The following ATF6 variants were observed in gnomAD, a reference collection of about 807,000 sequenced individuals.
ATF6 encodes cyclic AMP-dependent transcription factor ATF-6 alpha.
In ATF6, 53 loss-of-function variants were observed where a neutral mutation model predicts 83.6. The observed-to-expected ratio is 0.63, with a 90% CI of 0.51 to 0.80. ATF6 has a LOEUF of 0.80. Ranked by LOEUF, ATF6 falls within the 30% of genes least tolerant of loss-of-function variation. The pLI, the probability that ATF6 is intolerant of heterozygous loss-of-function variation, is 0.00. For synonymous variants in ATF6, 288 were observed against 285.8 expected (o/e 1.01, Z -0.08); for missense variants, 744 against 797.9 (o/e 0.93, Z 0.81).
intron 9 of ATF6, among the ~76,000 whole-genome samples, chr1:161,843,062 G>A (rs549677237): frequency 2.6e-4 from 40 of 152,298 alleles, no homozygotes; most frequent in Admixed American, 2.0e-3. Context: ...CTGGTAGCTC[G>A]GCGCACAAGT....
chr1:161,927,662 A>G (rs911753856), intron 15 of ATF6, among the ~76,000 whole-genome samples: 3 of 152,248 alleles, frequency 2.0e-5, no homozygotes, highest in African/African-American at 7.2e-5. Flanking sequence ...ACAGAAGAAA[A>G]TAATGAGCAA....
intron 13 of ATF6, 102 bp from the exon 14 acceptor site, chr1:161,863,094 TGA>T: frequency 1.7e-6 from 1 of 604,360 alleles, no homozygotes; most frequent in Non-Finnish European, 2.9e-6. Context: ...ATATTTTGGT[TGA>T]GAGAGATTCT....
intron 14 of ATF6, among the ~76,000 whole-genome samples, chr1:161,864,804 C>T (rs1474753665): frequency 2.0e-5 from 3 of 152,200 alleles, no homozygotes; most frequent in Admixed American, 6.5e-5. Context: ...TCCTGCAAGG[C>T]TCCAACTGTA....
intron 9 of ATF6, among the ~76,000 whole-genome samples, chr1:161,826,770 A>C (rs1685910496): frequency 1.3e-5 from 2 of 152,190 alleles, no homozygotes; most frequent in African/African-American, 4.8e-5. Context: ...TATAAAAACC[A>C]AGAACTATTT....
At chr1:161,927,959 G>A (rs999855415) in intron 15 of ATF6, among the ~76,000 whole-genome samples, 2 of 152,146 alleles carry the variant, frequency 1.3e-5, no homozygotes, top group Non-Finnish European at 2.9e-5. Flanking sequence ...CTTTTTAACT[G>A]TTCATTGCCT....
intron 14 of ATF6, among the ~76,000 whole-genome samples, chr1:161,884,390 AT>A (rs1439392741): frequency 3.9e-5 from 6 of 152,166 alleles, no homozygotes; most frequent in Admixed American, 2.6e-4. Flanking sequence ...TAAAGAAAAC[AT>A]AAATGTGAAA....
At chr1:161,844,668 T>G (rs1686440435) in intron 9 of ATF6, among the ~76,000 whole-genome samples, 2 of 152,138 alleles carry the variant, frequency 1.3e-5, no homozygotes, top group African/African-American at 4.8e-5. Context: ...TATTCATAGC[T>G]TACTTTCATA....
intron 14 of ATF6, among the ~76,000 whole-genome samples, chr1:161,909,032 T>C (rs1687934223): frequency 6.6e-6 from 1 of 152,240 alleles, no homozygotes; most frequent in Non-Finnish European, 1.5e-5. Flanking sequence ...TTTAGAACTG[T>C]TTCACAGATT....
chr1:161,833,754 T>C (rs568792371), intron 9 of ATF6, among the ~76,000 whole-genome samples: 2 of 152,298 alleles, frequency 1.3e-5, no homozygotes, highest in Admixed American at 6.5e-5. Context: ...TATGGGACTA[T>C]GTGAAAAGAC....
At chr1:161,820,999 C>A in intron 8 of ATF6, 71 bp from the exon 9 acceptor site, 1 of 1,030,102 alleles carries the variant, frequency 9.7e-7, no homozygotes, top group Non-Finnish European at 1.4e-6. Flanking sequence ...GAGGAAAATT[C>A]TAATCTTAAG....
intron 9 of ATF6, among the ~76,000 whole-genome samples, chr1:161,824,546 T>C (rs10800032): frequency 0.26 from 40,068 of 152,098 alleles, 8,873 homozygotes; most frequent in African/African-American, 0.61. Context: ...ATGTAACTTA[T>C]TTATTTTCTT....
intron 12 of ATF6, among the ~76,000 whole-genome samples, chr1:161,859,968 T>G (rs547223755): frequency 1.4e-4 from 21 of 152,274 alleles, no homozygotes; most frequent in Admixed American, 1.3e-3. Flanking sequence ...TTTTGGGCTC[T>G]TTCTTTAAAC....
chr1:161,827,296 G>A (rs1361297080), intron 9 of ATF6, among the ~76,000 whole-genome samples: 3 of 152,074 alleles, frequency 2.0e-5, no homozygotes, highest in Admixed American at 2.0e-4. Context: ...AGAGGAGCAG[G>A]AACTTCCCAG....
chr1:161,780,505 C>A (rs1684608988), intron 2 of ATF6, among the ~76,000 whole-genome samples: 1 of 151,942 alleles, frequency 6.6e-6, no homozygotes, highest in South Asian at 2.1e-4. Flanking sequence ...TCCTGAGTAG[C>A]TGGGACTCCA....
At position 161,866,844 on chromosome 1, in the gene ATF6, C is replaced by T. The variant is rs373062303; in HGVS notation, c.1719+3532C>T. On this transcript the variant is annotated intron_variant, in intron 14 of 15. Transcript: ENST00000367942. ...TTCACTTCAGCCTCCAACTCCTGAG[C>T]TCAAACAGTTCTCCTGTGTCAGTCT... Among the ~76,000 whole-genome samples the T allele has an allele frequency of 3.3e-5, 5 of 152,252 alleles. No homozygotes were observed. The South Asian group carries it at 8.3e-4, about 25-fold the overall frequency.
chr1:161,868,856 G>T (rs1687066248), intron 14 of ATF6, among the ~76,000 whole-genome samples: 1 of 152,106 alleles, frequency 6.6e-6, no homozygotes, highest in Non-Finnish European at 1.5e-5. Context: ...TAATTCACCT[G>T]AGTGTAGTGT....
chr1:161,912,253 A>G, intron 14 of ATF6, 43 bp from the exon 15 acceptor site: 1 of 1,454,798 alleles, frequency 6.9e-7, no homozygotes, highest in Non-Finnish European at 9.5e-7. Context: ...TCTAGGACTA[A>G]GCCAATTGTT....
At chr1:161,935,773 T>C (rs1688523189) in intron 15 of ATF6, among the ~76,000 whole-genome samples, 1 of 152,232 alleles carries the variant, frequency 6.6e-6, no homozygotes, top group South Asian at 2.1e-4. Flanking sequence ...ATAAAGTGCC[T>C]AGTAATATAA....
At chr1:161,873,570 A>G (rs1253734489) in intron 14 of ATF6, among the ~76,000 whole-genome samples, 3 of 151,614 alleles carry the variant, frequency 2.0e-5, no homozygotes, top group African/African-American at 7.2e-5. Context: ...AAACACTGAC[A>G]GTTGGTGTTT....
Sources: gnomAD v4.1 joint callset for allele counts (sites outside exome capture counted in the v4.1 genomes callset) on GRCh38, gnomAD v4.1.1 for gene constraint, MANE v1.5 for transcripts, NCBI Gene and HGNC (gene_info 2026-07-23, HGNC 2026-07-21) for gene names.